Variants in CTNNA2 observed in about 807,000 individuals in gnomAD.
The protein encoded by CTNNA2 is catenin alpha-2.
A neutral mutation model predicts 101.0 loss-of-function variants in CTNNA2; 42 were observed. That is an observed-to-expected ratio of 0.42 (90% CI 0.32 to 0.54). The LOEUF (loss-of-function observed/expected upper bound fraction) is 0.54. CTNNA2 is among the 20% of genes least tolerant of loss of function. CTNNA2 has a pLI of 0.14. For synonymous variants in CTNNA2, 450 were observed against 456.4 expected, an observed-to-expected ratio of 0.99 and a Z score of 0.18; for missense variants, 871 against 1,223.1, an observed-to-expected ratio of 0.71 and a Z score of 4.29.
intron 7 of CTNNA2, among the ~76,000 whole-genome samples, chr2:80,306,375 C>CTTTCTTTCT (rs1676951369): frequency 1.4e-5 from 2 of 139,468 alleles, no homozygotes; most frequent in African/African-American, 5.9e-5. Context: ...TTCTTTCTTT[C>CTTTCTTTCT]TTTCTTTTCT....
chr2:79,909,453 C>A (rs1005228524), intron 6 of CTNNA2, 141 bp from the exon 7 acceptor site: 26 of 601,896 alleles, frequency 4.3e-5, no homozygotes, highest in Admixed American at 4.3e-4. Flanking sequence ...TTTGTCAAGG[C>A]AACTTTAGAA....
chr2:79,921,818 G>T (rs1686673355), intron 7 of CTNNA2, among the ~76,000 whole-genome samples: 1 of 152,124 alleles, frequency 6.6e-6, no homozygotes, highest in Non-Finnish European at 1.5e-5. Context: ...AGGTTCTTTT[G>T]GTGACTATTG....
chr2:79,269,800 A>G (rs1675038980), intron 2 of CTNNA2, among the ~76,000 whole-genome samples: 1 of 152,114 alleles, frequency 6.6e-6, no homozygotes, highest in Non-Finnish European at 1.5e-5. Context: ...CCTAGAGGGC[A>G]AGAACTATAT....
At chr2:80,164,938 G>GTTT (rs1558866800) in intron 7 of CTNNA2, among the ~76,000 whole-genome samples, 1 of 107,102 alleles carries the variant, frequency 9.3e-6, no homozygotes, top group Non-Finnish European at 1.8e-5. Context: ...CCCAACTTTT[G>GTTT]GTTTTTTTTT....
intron 13 of CTNNA2, among the ~76,000 whole-genome samples, chr2:80,577,182 C>CA (rs1416128837): frequency 6.6e-6 from 1 of 152,080 alleles, no homozygotes. Flanking sequence ...ACAAAGCAGA[C>CA]AAAAGTCTCT....
intron 7 of CTNNA2, among the ~76,000 whole-genome samples, chr2:80,154,586 T>G (rs77624430): frequency 0.012 from 1,824 of 152,282 alleles, 43 homozygotes; most frequent in African/African-American, 0.04. Flanking sequence ...CCTCATAAAG[T>G]GTTCTAGGCC....
chr2:80,573,150 TAA>T (rs1302912338), intron 12 of CTNNA2: 1 of 152,216 alleles, frequency 6.6e-6, no homozygotes. Context: ...TCCTTGTAAA[TAA>T]AACGAATATG....
In CTNNA2 at chr2:79,289,628, C is replaced by G. The variant is rs1303947107; in HGVS notation, c.-405-23081C>G. ...GGCGTAGTGATGTGCGCCTGTAATC[C>G]CAGCTACTCAGGAGGCTGAGGCAGG... On this transcript the variant is annotated intron_variant, in intron 2 of 21. Transcript: ENST00000466387. Among the ~76,000 whole-genome samples the G allele has an allele frequency of 2.0e-5, 3 of 152,064 alleles. No homozygotes were observed. In the East Asian group the frequency reaches 5.8e-4, roughly 29 times the overall value.
rs921118439 is a variant in CTNNA2, at chr2:80,515,623, C to T, written c.1291-29359C>T. ...TTAGAATGAGAAGGCATTCATCCCT[C>T]TCTAATGCTTAAAAGAAACTTTTGT... On this transcript the variant is annotated intron_variant, in intron 9 of 18. Transcript: ENST00000402739. Among the ~76,000 whole-genome samples, 5 of 152,214 alleles carry T rather than the reference C, an allele frequency of 3.3e-5. No individual in the cohort carries two copies. The East Asian group carries it at 9.6e-4, about 29-fold the overall frequency.
chr2:80,034,434 A>T (rs958535620), intron 7 of CTNNA2, among the ~76,000 whole-genome samples: 1 of 148,946 alleles, frequency 6.7e-6, no homozygotes, highest in African/African-American at 2.5e-5. Context: ...ACTCACTGCA[A>T]CTTCCACCTC....
At chr2:79,988,470 G>A (rs1433757517) in intron 7 of CTNNA2, among the ~76,000 whole-genome samples, 1 of 35,800 alleles carries the variant, frequency 2.8e-5, no homozygotes, top group East Asian at 4.4e-4. Context: ...ATGTGTATGT[G>A]TGTGTGTGTG....
At chr2:79,863,906 A>C (rs1305999967) in intron 4 of CTNNA2, among the ~76,000 whole-genome samples, 1 of 152,166 alleles carries the variant, frequency 6.6e-6, no homozygotes, top group Non-Finnish European at 1.5e-5. Context: ...TGCTGGAGGC[A>C]TTCTGCTACA....
chr2:80,354,539 A>T (rs1673603406), intron 7 of CTNNA2, among the ~76,000 whole-genome samples: 1 of 152,160 alleles, frequency 6.6e-6, no homozygotes, highest in African/African-American at 2.4e-5. Context: ...AAACGCAAAC[A>T]GAATTACCAG....
intron 1 of CTNNA2, among the ~76,000 whole-genome samples, chr2:79,638,453 A>G (rs989850789): frequency 1.3e-5 from 2 of 152,236 alleles, no homozygotes; most frequent in African/African-American, 4.8e-5. Flanking sequence ...CTCGTGCTGA[A>G]ATGTCAGTCC....
chr2:80,382,736 G>A (rs188311740), intron 7 of CTNNA2, among the ~76,000 whole-genome samples: 3 of 152,308 alleles, frequency 2.0e-5, no homozygotes, highest in East Asian at 1.9e-4. Context: ...TCTGATTTCT[G>A]TGAATTCTCA....
Position 80,510,051 on chromosome 2 carries a change from A to G in CTNNA2, c.1291-34931A>G, listed in dbSNP as rs116967392. 5.4e-4 allele frequency among the ~76,000 whole-genome samples: 82 copies of G among 152,298 alleles called. No homozygotes were observed. In the East Asian group the frequency reaches 0.015, roughly 27 times the overall value. On this transcript the variant is annotated intron_variant, in intron 9 of 18. Transcript: ENST00000402739. ...TATAGGGCAATGCCTATGTTCTATT[A>G]ATTTTAGTAGCCTGCAGCAGTTAGT...
chr2:80,551,985 T>C (rs1219310252), intron 11 of CTNNA2, among the ~76,000 whole-genome samples: 3 of 152,142 alleles, frequency 2.0e-5, no homozygotes, highest in Non-Finnish European at 4.4e-5. Flanking sequence ...TGTAGGGTTG[T>C]TAATAGGCCT....
chr2:79,659,215 CT>C (rs5832398), intron 2 of CTNNA2, among the ~76,000 whole-genome samples: 42,677 of 135,632 alleles, frequency 0.31, 6,356 homozygotes, highest in Admixed American at 0.34. Context: ...TCCAGTGCCT[CT>C]TTTTTTTTTT....
intron 2 of CTNNA2, among the ~76,000 whole-genome samples, chr2:79,679,010 C>T (rs542949216): frequency 6.6e-6 from 1 of 152,160 alleles, no homozygotes; most frequent in African/African-American, 2.4e-5. Context: ...TTTTTTAGCT[C>T]AGTTGTATTT....
Sources: gnomAD v4.1 joint callset for allele counts (sites outside exome capture counted in the v4.1 genomes callset) on GRCh38, gnomAD v4.1.1 for gene constraint, MANE v1.5 for transcripts, NCBI Gene and HGNC (gene_info 2026-07-23, HGNC 2026-07-21) for gene names.